Variants in CIDEA observed in about 807,000 individuals in gnomAD.
The protein encoded by CIDEA is cell death inducing DFFA like effector a, also known as lipid transferase CIDEA.
Under a neutral mutation model 18.2 loss-of-function variants are expected in CIDEA, and 10 were observed. The ratio of observed to expected loss-of-function variants is 0.55; its 90% CI spans 0.34 to 0.93. CIDEA has a LOEUF of 0.93. CIDEA is among the 40% of genes least tolerant of loss of function. CIDEA has a pLI of 0.02. For missense variants in CIDEA, 309 were observed against 293.1 expected (o/e 1.05, Z -0.40); for synonymous variants, 128 against 124.8 (o/e 1.03, Z -0.17).
chr18:12,275,515 T>C (rs1598783998), intron 4 of CIDEA, among the ~76,000 whole-genome samples: 1 of 152,198 alleles, frequency 6.6e-6, no homozygotes, highest in East Asian at 1.9e-4. Flanking sequence ...CTGATTGCAG[T>C]AGAAAGGTCT....
intron 3 of CIDEA, among the ~76,000 whole-genome samples, chr18:12,267,055 G>T (rs368373446): frequency 6.6e-6 from 1 of 152,028 alleles, no homozygotes; most frequent in Non-Finnish European, 1.5e-5. Flanking sequence ...CACCGCACCC[G>T]GCCGATTTTT....
At chr18:12,272,119 C>T (rs1189343321) in intron 3 of CIDEA, among the ~76,000 whole-genome samples, 1 of 120,400 alleles carries the variant, frequency 8.3e-6, no homozygotes, top group African/African-American at 3.3e-5. Context: ...TGAGAGAAAA[C>T]GGCCTCAGCC....
chr18:12,270,068 A>G (rs924656335), intron 3 of CIDEA, among the ~76,000 whole-genome samples: 1 of 152,008 alleles, frequency 6.6e-6, no homozygotes, highest in Non-Finnish European at 1.5e-5. Flanking sequence ...ACTTTGATAA[A>G]CTCCACATCA....
intron 1 of CIDEA, among the ~76,000 whole-genome samples, chr18:12,260,505 T>C (rs1051089158): frequency 1.3e-5 from 2 of 152,168 alleles, no homozygotes; most frequent in Non-Finnish European, 2.9e-5. Flanking sequence ...TTTTTTATAT[T>C]ACAAACAATT....
At chr18:12,264,169 G>A in intron 2 of CIDEA, 138 bp from the exon 3 acceptor site, 4 of 758,672 alleles carry the variant, frequency 5.3e-6, no homozygotes. Context: ...ATAGACACAA[G>A]TCAAGGTTAC....
At chr18:12,271,435 C>T (rs1358959855) in intron 3 of CIDEA, among the ~76,000 whole-genome samples, 3 of 152,234 alleles carry the variant, frequency 2.0e-5, no homozygotes, top group Admixed American at 2.0e-4. Flanking sequence ...GCCGGGCCTG[C>T]CCCGCAGCCC....
rs145264022 is a variant in CIDEA at position 12,277,284 on chromosome 18, C to T, written c.*14C>T. 1.4e-4 allele frequency: 218 copies of T among 1,613,858 alleles called. No individual in the cohort carries two copies. The East Asian group carries it at 3.6e-3, about 27-fold the overall frequency. On this transcript the variant is annotated 3_prime_UTR_variant, in exon 5 of 5. Transcript: ENST00000320477. The stretch of plus-strand genomic sequence containing the variant: ...ACGTGTGGATAGGGATGCAGGCTGT[C>T]GCCGGCTCTTGAGCCAAACACTGTG...
Position 12,254,417 on chromosome 18 carries a change from A to G in CIDEA, c.34A>G (p.Ile12Val). 1.9e-6 allele frequency: 3 copies of G among 1,589,138 alleles called. No individual in the cohort carries two copies. The highest frequency in any genetic ancestry group is 2.6e-6 in the Non-Finnish European group (3 of 1,170,326). Residue 12 changes from isoleucine (I) to valine (V), a missense_variant, in exon 1 of 5, where the codon ATC becomes GTC. Ile to Val is a conservative substitution (Grantham distance 29, BLOSUM62 3). Transcript: ENST00000320477. ...CGCCCGGGACTATGCAGGAGCCCTC[A>G]TCAGGCGAGTGCCCCGCGTCCCCCT... ...EAARDYAGAL[I>V]RPLTFMGSQT...
intron 1 of CIDEA, among the ~76,000 whole-genome samples, chr18:12,260,257 G>GA (rs1207023498): frequency 6.6e-6 from 1 of 151,982 alleles, no homozygotes; most frequent in Non-Finnish European, 1.5e-5. Flanking sequence ...AGTGCACTGT[G>GA]GCCCCAATCT....
intron 1 of CIDEA, among the ~76,000 whole-genome samples, chr18:12,257,955 C>A (rs1912084331): frequency 6.6e-6 from 1 of 152,176 alleles, no homozygotes; most frequent in Non-Finnish European, 1.5e-5. Context: ...CTGTAGGGTC[C>A]TGGAGTACAT....
intron 3 of CIDEA, among the ~76,000 whole-genome samples, chr18:12,267,861 G>A (rs1182925288): frequency 2.0e-5 from 3 of 151,964 alleles, no homozygotes; most frequent in African/African-American, 7.3e-5. Context: ...TTGTCCCTTG[G>A]GGGACATTTG....
intron 4 of CIDEA, among the ~76,000 whole-genome samples, chr18:12,275,459 A>G (rs1905298765): frequency 6.6e-6 from 1 of 152,228 alleles, no homozygotes; most frequent in Non-Finnish European, 1.5e-5. Context: ...TTTACCGTTG[A>G]TCCTTAAAGA....
chr18:12,255,486 GCAGGGGGA>G (rs947084763), intron 1 of CIDEA, among the ~76,000 whole-genome samples: 4 of 152,176 alleles, frequency 2.6e-5, no homozygotes, highest in Admixed American at 6.5e-5. Context: ...CGGGGCGGTG[GCAGGGGGA>G]CGCTGAGAAA....
At chr18:12,270,171 C>T (rs976710900) in intron 3 of CIDEA, among the ~76,000 whole-genome samples, 5 of 152,008 alleles carry the variant, frequency 3.3e-5, no homozygotes, top group African/African-American at 9.7e-5. Flanking sequence ...AAGGGGAAAA[C>T]GCATGGCATA....
Position 12,254,694 on chromosome 18 carries a change from G to A in CIDEA, c.38+273G>A, listed in dbSNP as rs1477093398. On this transcript the variant is annotated intron_variant, in intron 1 of 4. Coordinates refer to ENST00000320477, the MANE Select transcript of CIDEA (RefSeq NM_001279.4). Reference sequence around the variant, plus strand: ...CAGGTACCAGGTGTGGCTCTTGCGAGGTGCGCGGGCGTCTGCAAACCAGGT... The same window carrying A: ...CAGGTACCAGGTGTGGCTCTTGCGAAGTGCGCGGGCGTCTGCAAACCAGGT... 4 of 1,507,598 alleles carry A rather than the reference G, an allele frequency of 2.7e-6. No homozygotes were observed. In the Admixed American group the frequency reaches 8.1e-5, roughly 30 times the overall value. The allele number at this position is 1,507,598 out of a possible 1,614,324, so 93.4% of individuals were successfully genotyped here. A position where few individuals can be genotyped will look rare whatever the true frequency, so the allele number is the denominator to read the frequency against.
At chr18:12,272,617 G>A (rs1427203696) in intron 3 of CIDEA, among the ~76,000 whole-genome samples, 3 of 152,166 alleles carry the variant, frequency 2.0e-5, no homozygotes, top group African/African-American at 7.2e-5. Context: ...CAAAGTGCTG[G>A]GATTACAGGT....
At position 12,264,471 on chromosome 18, in the gene CIDEA, C is replaced by T. The variant is rs773307006; in HGVS notation, c.330+18C>T. The T allele has an allele frequency of 1.9e-6, 3 of 1,607,528 alleles. No individual in the cohort carries two copies. The South Asian group carries it at 3.3e-5, about 18-fold the overall frequency. On this transcript the variant is annotated intron_variant, in intron 3 of 4. Coordinates refer to ENST00000320477, the MANE Select transcript of CIDEA (RefSeq NM_001279.4). ...GGATGCCGGTAAGCAAAAACACTGT[C>T]ACCCAAACAGCTACTGGGTAGACTT...
chr18:12,258,610 G>A (rs1376975689), intron 1 of CIDEA, among the ~76,000 whole-genome samples: 3 of 152,218 alleles, frequency 2.0e-5, no homozygotes, highest in Non-Finnish European at 4.4e-5. Flanking sequence ...TGCTGAGGCC[G>A]GGCCCTTCTC....
intron 3 of CIDEA, among the ~76,000 whole-genome samples, chr18:12,269,966 G>A (rs1912466793): frequency 6.6e-6 from 1 of 152,102 alleles, no homozygotes; most frequent in Non-Finnish European, 1.5e-5. Flanking sequence ...CCAAAATGTT[G>A]GGATTACGGG....
Sources: allele counts gnomAD v4.1 joint callset (sites outside exome capture counted in the v4.1 genomes callset), GRCh38; gene constraint gnomAD v4.1.1; transcripts MANE v1.5; gene names NCBI Gene and HGNC (gene_info 2026-07-23, HGNC 2026-07-21).